RNF166: variants seen among roughly 807,000 people sequenced by gnomAD.
The protein encoded by RNF166 is E3 ubiquitin-protein ligase RNF166.
RNF166 carries 19 observed loss-of-function variants against 29.4 expected under a neutral mutation model. The ratio of observed to expected loss-of-function variants is 0.65; its 90% CI spans 0.45 to 0.95. The LOEUF (loss-of-function observed/expected upper bound fraction) is 0.95, where lower values mean the gene tolerates loss of function less well. Among genes scored for constraint, RNF166 ranks in the 40% least tolerant of loss-of-function variants. The pLI is 0.00. For synonymous variants in RNF166, 171 were observed against 134.5 expected, an observed-to-expected ratio of 1.27 and a Z score of -1.88; for missense variants, 347 against 322.1, an observed-to-expected ratio of 1.08 and a Z score of -0.59.
intron 1 of RNF166, 130 bp from the exon 2 acceptor site, chr16:88,701,548 C>T (rs965350971): frequency 2.7e-5 from 24 of 879,206 alleles, no homozygotes; most frequent in Admixed American, 6.2e-5. Flanking sequence ...CCGCTGTCGC[C>T]GTCTCTGGAG....
chr16:88,701,304 C>T lies in RNF166; in HGVS notation c.270G>A (p.Gln90=). The T allele has an allele frequency of 6.2e-7, 1 of 1,613,798 alleles. No individual in the cohort carries two copies. Among genetic ancestry groups the T allele is most frequent in the Non-Finnish European group, 8.5e-7 (1 of 1,179,948 alleles). Residue 90 remains glutamine, a synonymous_variant, in exon 2 of 6, where the codon CAG becomes CAA. Transcript: ENST00000312838. The part of the protein sequence containing the change: ...KVDKATHVEK[Q]LSSYKAPCRG... The stretch of plus-strand genomic sequence containing the variant: ...GACAGGGCGCTTTGTAGGATGAGAG[C>T]TGCTTCTCCACGTGGGTGGCCTTGT...
At chr16:88,703,949 C>G in intron 1 of RNF166, 1 of 985,492 alleles carries the variant, frequency 1.0e-6, no homozygotes, top group Non-Finnish European at 1.2e-6. Context: ...GGTTCGTGAT[C>G]ACGCGTGTCC....
Position 88,697,560 on chromosome 16 carries a change from G to A in RNF166, c.*8C>T, listed in dbSNP as rs934898241. 1.7e-5 allele frequency: 26 copies of A among 1,546,954 alleles called. No homozygotes were observed. The highest frequency in any genetic ancestry group is 8.2e-5 in the African/African-American group (6 of 72,976). ...ACCCCAGACGCAGGCGGGTGGCTGC[G>A]CTTCCCTTCAGTTCTCAGAGAGAGA... On this transcript the variant is annotated 3_prime_UTR_variant, in exon 6 of 6. Transcript: ENST00000312838.
rs1910805762 is a variant in RNF166, at chr16:88,706,346, G to A, written c.-21C>T. On this transcript the variant is annotated 5_prime_UTR_variant, in exon 1 of 6. Coordinates refer to ENST00000312838, the MANE Select transcript of RNF166 (RefSeq NM_178841.4). ...GCCATCCCGGGGCCAGGCCCGCGCCGCCCGCCGCCCGCTGTCCTGGCCCGG... is the reference window on the plus strand; with the variant it reads ...GCCATCCCGGGGCCAGGCCCGCGCCACCCGCCGCCCGCTGTCCTGGCCCGG... 3.3e-6 allele frequency: 4 copies of A among 1,211,596 alleles called. No homozygotes were observed. Among genetic ancestry groups the A allele is most frequent in the Non-Finnish European group, 3.1e-6 (3 of 975,106 alleles). The allele number at this position is 1,211,596 out of a possible 1,614,324, so 75.1% of individuals were successfully genotyped here.
rs932571806 is a variant in RNF166, at chr16:88,705,907, C to A, written c.155+264G>T. 3.3e-5 allele frequency among the ~76,000 whole-genome samples: 5 copies of A among 152,192 alleles called. No homozygotes were observed. The East Asian group carries it at 9.7e-4, about 29-fold the overall frequency. On this transcript the variant is annotated intron_variant, in intron 1 of 5. Transcript: ENST00000312838. The stretch of plus-strand genomic sequence containing the variant: ...CCGGGGACCCCGAGCTTGGGCAGGG[C>A]CGCAGGTCGCCCGGTGAACCGAAGC...
chr16:88,700,416 G>C (rs1910097014), intron 2 of RNF166: 1 of 166,230 alleles, frequency 6.0e-6, no homozygotes, highest in African/African-American at 2.5e-5. Context: ...AGAACTCTGA[G>C]CAGGGAGAGA....
In RNF166 at chr16:88,699,732, C is replaced by A; in HGVS notation, c.313G>T (p.Val105Leu). ...KAPCRGCNKK[V>L]TLAKMRVHIS... ...TGCACTCTCATCTTTGCCAGGGTCA[C>A]CTAGGAGACAGGGCAGGGAGGGCAA... Residue 105 changes from valine to leucine, a missense_variant and splice_region_variant, in exon 3 of 6, where the codon GTG (valine) becomes TTG (leucine). Physicochemically the swap from Val to Leu is conservative, Grantham distance 32. Coordinates refer to ENST00000312838, the MANE Select transcript of RNF166 (RefSeq NM_178841.4). 1 of 1,611,482 alleles carries A rather than the reference C, an allele frequency of 6.2e-7. No homozygotes were observed. The highest frequency in any genetic ancestry group is 8.5e-7 in the Non-Finnish European group (1 of 1,178,828).
At chr16:88,702,684 T>C in intron 1 of RNF166, 2 of 985,224 alleles carry the variant, frequency 2.0e-6, no homozygotes, top group Non-Finnish European at 2.4e-6. Flanking sequence ...TGAAACTTCG[T>C]GTGAGAGAAA....
At chr16:88,703,125 G>A (rs1171071252) in intron 1 of RNF166, 16 of 985,420 alleles carry the variant, frequency 1.6e-5, no homozygotes, top group African/African-American at 1.7e-5. Flanking sequence ...TGTCGTGGGG[G>A]TCCACTCACG....
Position 88,697,274 on chromosome 16 carries a change from G to C in RNF166, c.*294C>G, listed in dbSNP as rs1288256788. 3 of 291,496 alleles carry C rather than the reference G, an allele frequency of 1.0e-5. No individual in the cohort carries two copies. The highest frequency in any genetic ancestry group is 6.6e-5 in the African/African-American group (3 of 45,220). 18.1% of individuals were successfully genotyped at this position (291,496 alleles called of 1,614,324 possible). A position where few individuals can be genotyped will look rare whatever the true frequency, so the allele number is the denominator to read the frequency against. On this transcript the variant is annotated 3_prime_UTR_variant, in exon 6 of 6. Transcript: ENST00000312838. ...CGAGGGGGTATCATGGCTTTGAAGA[G>C]ACGGCGGCAGCTCCAGGTCCCAGCG...
Position 88,706,256 on chromosome 16 carries a change from C to G in RNF166, c.70G>C (p.Asp24His). 2.3e-6 allele frequency: 3 copies of G among 1,298,456 alleles called. No individual in the cohort carries two copies. The highest frequency in any genetic ancestry group is 2.0e-6 in the Non-Finnish European group (2 of 1,021,118). 80.4% of individuals were successfully genotyped at this position (1,298,456 alleles called of 1,614,324 possible). ...RQPPAGPAGG[D>H]SGLEAQYTCP... is the part of the protein sequence containing the mutation. ...GTGTACTGCGCCTCCAGGCCGCTGT[C>G]GCCGCCCGCCGGCCCGGCCGGCGGC... The change falls in exon 1 of 6, where the codon GAC becomes CAC. Residue 24 changes from aspartate to histidine, a missense_variant. By Grantham distance (81) the Asp-to-His change is moderately conservative. Coordinates refer to ENST00000312838, the MANE Select transcript of RNF166 (RefSeq NM_178841.4).
chr16:88,704,758 G>T (rs900716140), intron 1 of RNF166, among the ~76,000 whole-genome samples: 1 of 152,232 alleles, frequency 6.6e-6, no homozygotes, highest in Admixed American at 6.5e-5. Context: ...GGGAGGCTGA[G>T]ACGGGCAGGT....
intron 5 of RNF166, 31 bp from the exon 6 acceptor site, chr16:88,697,664 T>C: frequency 6.6e-7 from 1 of 1,512,958 alleles, no homozygotes; most frequent in South Asian, 1.2e-5. Flanking sequence ...TGCACCGGGC[T>C]CGAGGGAGAC....
rs1017302520 is a variant in RNF166, at chr16:88,698,101, G to A, written c.648+401C>T. 2.6e-5 allele frequency: 15 copies of A among 582,410 alleles called. No homozygotes were observed. In the Middle Eastern group the frequency reaches 1.3e-3, roughly 52 times the overall value. The allele number at this position is 582,410 out of a possible 1,614,324, so 36.1% of individuals were successfully genotyped here. ...TTTGTGCGAGGGTCTGCAGGCCCGG[G>A]GGCCAGGTGTGTGCCTGACCCGCGG... On this transcript the variant is annotated intron_variant, in intron 5 of 5. Coordinates refer to ENST00000312838, the MANE Select transcript of RNF166 (RefSeq NM_178841.4).
Position 88,701,351 on chromosome 16 carries a change from G to A in RNF166, c.223C>T (p.Pro75Ser). The A allele has an allele frequency of 6.2e-7, 1 of 1,613,292 alleles. No individual in the cohort carries two copies. The highest frequency in any genetic ancestry group is 8.5e-7 in the Non-Finnish European group (1 of 1,179,838). ...TTGTCCACCTTCTTGGGGTCGAAGG[G>A]CAGGCGGCAGAGTGGGCACAGCGGG... ...PSPLCPLCRL[P>S]FDPKKVDKAT... The change falls in exon 2 of 6, where the codon CCC becomes TCC. Residue 75 changes from proline (P) to serine (S), a missense_variant. By Grantham distance (74) the Pro-to-Ser change is moderately conservative. Coordinates refer to ENST00000312838, the MANE Select transcript of RNF166 (RefSeq NM_178841.4).
chr16:88,704,517 A>T, intron 1 of RNF166: 1 of 985,440 alleles, frequency 1.0e-6, no homozygotes, highest in Non-Finnish European at 1.2e-6. Context: ...AGAAGGGCAA[A>T]GACCAATTTG....
intron 3 of RNF166, 104 bp from the exon 4 acceptor site, chr16:88,699,189 G>T (rs1314230930): frequency 2.4e-6 from 2 of 843,774 alleles, no homozygotes; most frequent in Non-Finnish European, 3.9e-6. Context: ...CCCTCTGTAG[G>T]CTGCAAGAGC....
chr16:88,699,227 C>G (rs1909957078), intron 3 of RNF166, 142 bp from the exon 4 acceptor site: 6 of 684,210 alleles, frequency 8.8e-6, no homozygotes, highest in Non-Finnish European at 1.6e-5. Flanking sequence ...CCCCCCGTGC[C>G]TCTGCACGCC....
At chr16:88,703,370 G>T (rs1183522335) in intron 1 of RNF166, 2 of 985,410 alleles carry the variant, frequency 2.0e-6, no homozygotes, top group Non-Finnish European at 2.4e-6. Flanking sequence ...GGGCTGAGGG[G>T]AAGGAAAAGG....
Sources: allele counts gnomAD v4.1 joint callset (sites outside exome capture counted in the v4.1 genomes callset), GRCh38; gene constraint gnomAD v4.1.1; transcripts MANE v1.5; gene names NCBI Gene and HGNC (gene_info 2026-07-23, HGNC 2026-07-21).